The following DLG2 variants were observed in gnomAD, a reference collection of about 807,000 sequenced individuals.
The protein encoded by DLG2 is disks large homolog 2.
In DLG2, 45 loss-of-function variants were observed where a neutral mutation model predicts 132.5. That is an observed-to-expected ratio of 0.34 (90% CI 0.27 to 0.44). The LOEUF is 0.44. Among genes scored for constraint, DLG2 ranks in the 20% least tolerant of loss-of-function variants. The pLI is 1.00. For missense variants in DLG2, 1,045 were observed against 1,196.9 expected (o/e 0.87, Z 1.87); for synonymous variants, 424 against 419.6 (o/e 1.01, Z -0.13).
At chr11:83,904,473 T>A (rs2074230404) in intron 15 of DLG2, among the ~76,000 whole-genome samples, 1 of 152,164 alleles carries the variant, frequency 6.6e-6, no homozygotes, top group African/African-American at 2.4e-5. Context: ...TAAATAATGA[T>A]CTTATAAAAC....
chr11:84,126,455 A>G (rs2094176916), intron 9 of DLG2, among the ~76,000 whole-genome samples: 1 of 152,184 alleles, frequency 6.6e-6, no homozygotes, highest in Admixed American at 6.5e-5. Context: ...AGGAAATACT[A>G]ACAGAGTTAA....
At chr11:83,888,176 G>C (rs977191233) in intron 15 of DLG2, among the ~76,000 whole-genome samples, 5 of 151,452 alleles carry the variant, frequency 3.3e-5, no homozygotes, top group East Asian at 1.9e-4. Flanking sequence ...GTTTGCAGAC[G>C]ACATGATTGT....
chr11:83,511,515 C>G (rs1286871167), intron 21 of DLG2, among the ~76,000 whole-genome samples: 1 of 152,056 alleles, frequency 6.6e-6, no homozygotes, highest in East Asian at 1.9e-4. Flanking sequence ...GCTGTTACCT[C>G]CATCATAGGC....
At chr11:84,153,146 G>A (rs1239949325) in intron 9 of DLG2, among the ~76,000 whole-genome samples, 2 of 152,106 alleles carry the variant, frequency 1.3e-5, no homozygotes, top group African/African-American at 4.8e-5. Context: ...TCTTTTCTTT[G>A]AGGATACTGA....
chr11:84,935,877 G>C (rs901876944), intron 6 of DLG2, among the ~76,000 whole-genome samples: 1 of 152,148 alleles, frequency 6.6e-6, no homozygotes, highest in African/African-American at 2.4e-5. Flanking sequence ...CCTATCTTCA[G>C]AGTAAAACCT....
At chr11:84,640,084 G>T in intron 6 of DLG2, 1 of 312,750 alleles carries the variant, frequency 3.2e-6, no homozygotes, top group East Asian at 9.3e-5. Flanking sequence ...AAGGGCCCCA[G>T]AGGAACCCTG....
At chr11:84,554,204 T>C (rs2154524772) in intron 6 of DLG2, among the ~76,000 whole-genome samples, 1 of 152,314 alleles carries the variant, frequency 6.6e-6, no homozygotes, top group Non-Finnish European at 1.5e-5. Context: ...ATCTAAACTA[T>C]TAAGTTTTAC....
At chr11:84,160,736 A>T (rs2095528334) in intron 9 of DLG2, among the ~76,000 whole-genome samples, 1 of 152,214 alleles carries the variant, frequency 6.6e-6, no homozygotes, top group African/African-American at 2.4e-5. Flanking sequence ...AAATCATTCA[A>T]TGGATAACTG....
chr11:84,790,758 T>C, intron 6 of DLG2, among the ~76,000 whole-genome samples: 1 of 152,228 alleles, frequency 6.6e-6, no homozygotes, highest in East Asian at 1.9e-4. Context: ...GATTTGATTT[T>C]TGTATACGAT....
At chr11:85,627,017 T>C (rs1407822557) in intron 1 of DLG2, among the ~76,000 whole-genome samples, 1 of 152,166 alleles carries the variant, frequency 6.6e-6, no homozygotes, top group Non-Finnish European at 1.5e-5. Context: ...CTCATTACTT[T>C]ATACATGGTC....
chr11:85,124,462 T>C lies in DLG2; in HGVS notation c.283-12727A>G, dbSNP rs535547099. On this transcript the variant is annotated intron_variant, in intron 5 of 27. Transcript: ENST00000376104. ...TCAAATATATAAACTAATTTGATTC[T>C]GTACAATAATCCTGTTCAGGAACTA... Among the ~76,000 whole-genome samples, 3 of 152,364 alleles carry C rather than the reference T, an allele frequency of 2.0e-5. No homozygotes were observed. In the South Asian group the frequency reaches 6.2e-4, roughly 32 times the overall value.
chr11:83,627,145 C>A (rs113875159), intron 19 of DLG2, among the ~76,000 whole-genome samples: 2 of 151,898 alleles, frequency 1.3e-5, no homozygotes, highest in Non-Finnish European at 2.9e-5. Flanking sequence ...TATCTAAATT[C>A]ACTATTTTAT....
rs559916048 is a variant in DLG2, at chr11:83,632,888, G to A, written c.1940+323C>T. ...ACTGATGGTAAGTAAATGTCCAAGG[G>A]TTTGGTCCACATATGCCATTTAAGA... On this transcript the variant is annotated intron_variant, in intron 19 of 27. Coordinates refer to ENST00000376104, the MANE Select transcript of DLG2 (RefSeq NM_001142699.3). 7 of 275,412 alleles carry A rather than the reference G, an allele frequency of 2.5e-5. No homozygotes were observed. The South Asian group carries it at 3.3e-4, about 13-fold the overall frequency. The allele number at this position is 275,412 out of a possible 1,614,324, so 17.1% of individuals were successfully genotyped here. A position where few individuals can be genotyped will look rare whatever the true frequency, so the allele number is the denominator to read the frequency against.
At chr11:84,396,172 C>T (rs926002324) in intron 7 of DLG2, among the ~76,000 whole-genome samples, 5 of 152,102 alleles carry the variant, frequency 3.3e-5, no homozygotes, top group Admixed American at 2.6e-4. Context: ...TAAAAAAATC[C>T]TTTACTTATA....
chr11:84,152,608 G>C (rs1024524261), intron 9 of DLG2, among the ~76,000 whole-genome samples: 2 of 151,898 alleles, frequency 1.3e-5, no homozygotes, highest in Non-Finnish European at 2.9e-5. Context: ...GGATGGTCTC[G>C]ATCTCCTGAC....
rs1189085065 is a variant in DLG2, at chr11:83,466,735, A to G, written c.2702T>C (p.Ile901Thr). Reference protein sequence around the residue: ...VAQLYPIAIFIKPRSLEPLME... With the variant: ...VAQLYPIAIFTKPRSLEPLME... ...AAGAGGTTCCAGAGACCTGGGTTTT[A>G]TGAAGATGGCAATGGGATAGAGCTG... The change falls in exon 26 of 28, where the codon ATA (isoleucine) becomes ACA (threonine). Residue 901 changes from isoleucine (I) to threonine (T), a missense_variant. Ile to Thr is a moderately conservative substitution (Grantham distance 89). Around this residue, in one of 4 missense-constraint regions of DLG2, gnomAD observed 398 missense variants for 543.6 expected, o/e 0.73. Transcript: ENST00000376104. 6.2e-7 allele frequency: 1 copy of G among 1,613,276 alleles called. No individual in the cohort carries two copies. Among genetic ancestry groups the G allele is most frequent in the African/African-American group, 1.3e-5 (1 of 74,922 alleles).
chr11:84,024,073 A>C (rs1200772477), intron 11 of DLG2, among the ~76,000 whole-genome samples: 5 of 152,120 alleles, frequency 3.3e-5, no homozygotes, highest in African/African-American at 7.2e-5. Context: ...TGGGGGAATC[A>C]AAAGTGATAT....
chr11:83,556,103 G>A (rs1024853230), intron 19 of DLG2, among the ~76,000 whole-genome samples: 6 of 152,168 alleles, frequency 3.9e-5, no homozygotes, highest in African/African-American at 4.8e-5. Flanking sequence ...TTTATGGCAC[G>A]TGTTTTGAGG....
chr11:85,343,632 TCACA>T (rs903541682), intron 3 of DLG2, among the ~76,000 whole-genome samples: 4 of 151,156 alleles, frequency 2.6e-5, no homozygotes, highest in South Asian at 2.1e-4. Context: ...TCTCTCTCTC[TCACA>T]CACACACACG....
Sources: gnomAD v4.1 joint callset for allele counts (sites outside exome capture counted in the v4.1 genomes callset) on GRCh38, gnomAD v4.1.1 for gene constraint, gnomAD v4.1.1 regional missense constraint, MANE v1.5 for transcripts, NCBI Gene and HGNC (gene_info 2026-07-23, HGNC 2026-07-21) for gene names.